Variants in TRAPPC9 observed in about 807,000 individuals in gnomAD.
The protein encoded by TRAPPC9 is trafficking protein particle complex subunit 9.
TRAPPC9 carries 83 observed loss-of-function variants against 124.0 expected under a neutral mutation model. That is an observed-to-expected ratio of 0.67 (90% CI 0.56 to 0.80). The LOEUF (loss-of-function observed/expected upper bound fraction) is 0.80, where lower values mean the gene tolerates loss of function less well. Among genes scored for constraint, TRAPPC9 ranks in the 30% least tolerant of loss-of-function variants. The probability of loss-of-function intolerance (pLI) is 0.00; values close to 1 mark genes in which losing one functional copy is unlikely to be tolerated. For synonymous variants in TRAPPC9, 638 were observed against 617.5 expected, an observed-to-expected ratio of 1.03 and a Z score of -0.49; for missense variants, 1,302 against 1,508.3, an observed-to-expected ratio of 0.86 and a Z score of 2.27.
intron 21 of TRAPPC9, among the ~76,000 whole-genome samples, chr8:139,772,740 T>C (rs1821063886): frequency 6.6e-6 from 1 of 152,220 alleles, no homozygotes; most frequent in Middle Eastern, 3.2e-3. Flanking sequence ...ATTCCCATGT[T>C]GAAGCCCTAA....
intron 15 of TRAPPC9, among the ~76,000 whole-genome samples, chr8:140,270,158 G>A (rs555536430): frequency 6.6e-6 from 1 of 152,024 alleles, no homozygotes; most frequent in African/African-American, 2.4e-5. Context: ...GACAGAAGCT[G>A]GACCTTGAGA....
At chr8:140,405,361 T>C (rs945303728) in intron 6 of TRAPPC9, 4 of 487,176 alleles carry the variant, frequency 8.2e-6, no homozygotes, top group Non-Finnish European at 1.4e-5. Context: ...AGAGCCTTTT[T>C]TCTCTCTTTT....
At chr8:140,242,265 G>T (rs976987914) in intron 16 of TRAPPC9, among the ~76,000 whole-genome samples, 1 of 152,060 alleles carries the variant, frequency 6.6e-6, no homozygotes, top group African/African-American at 2.4e-5. Flanking sequence ...GATTCAAGAG[G>T]GCCAGGCTAG....
At chr8:139,924,725 C>T (rs1024774934) in intron 19 of TRAPPC9, among the ~76,000 whole-genome samples, 20 of 152,250 alleles carry the variant, frequency 1.3e-4, no homozygotes, top group Non-Finnish European at 1.5e-5. Flanking sequence ...CACACTTTAA[C>T]CCATCATCAG....
At chr8:140,189,578 G>A (rs1435007853) in intron 17 of TRAPPC9, among the ~76,000 whole-genome samples, 1 of 152,140 alleles carries the variant, frequency 6.6e-6, no homozygotes, top group Non-Finnish European at 1.5e-5. Context: ...CTAAAGAGAT[G>A]CGTGGAGAAA....
chr8:139,820,167 A>T (rs886792511), intron 21 of TRAPPC9, among the ~76,000 whole-genome samples: 7 of 152,072 alleles, frequency 4.6e-5, no homozygotes, highest in Non-Finnish European at 1.0e-4. Context: ...AGAGAAAAAA[A>T]ATTATCTTAT....
intron 17 of TRAPPC9, among the ~76,000 whole-genome samples, chr8:140,179,038 C>T (rs1034510578): frequency 1.3e-5 from 2 of 152,080 alleles, no homozygotes; most frequent in Non-Finnish European, 2.9e-5. Flanking sequence ...TTATTGATCT[C>T]TTCAGAGAAC....
chr8:140,398,590 T>A (rs192489055), intron 6 of TRAPPC9, among the ~76,000 whole-genome samples: 1 of 152,142 alleles, frequency 6.6e-6, no homozygotes, highest in South Asian at 2.1e-4. Context: ...GCCCTGGAGA[T>A]TTGTGGAACT....
At chr8:140,072,979 G>A (rs1843280023) in intron 17 of TRAPPC9, among the ~76,000 whole-genome samples, 1 of 152,064 alleles carries the variant, frequency 6.6e-6, no homozygotes, top group Admixed American at 6.6e-5. Context: ...TTAGAATTAG[G>A]GAACCATAAA....
At chr8:140,262,519 C>CGGGGG (rs533460810) in intron 15 of TRAPPC9, 2 of 145,376 alleles carry the variant, frequency 1.4e-5, no homozygotes, top group African/African-American at 5.5e-5. Context: ...ATTGTGTATA[C>CGGGGG]GGTGGGGGGG....
chr8:140,302,633 A>G (rs1193094720), intron 10 of TRAPPC9: 5 of 152,244 alleles, frequency 3.3e-5, no homozygotes, highest in Admixed American at 3.3e-4. Flanking sequence ...CTGATCAGGA[A>G]AGCGACGCCA....
At chr8:139,948,114 G>A (rs1834383096) in intron 19 of TRAPPC9, among the ~76,000 whole-genome samples, 1 of 151,512 alleles carries the variant, frequency 6.6e-6, no homozygotes, top group African/African-American at 2.4e-5. Flanking sequence ...TTGCATCACA[G>A]GGTCCTTGAG....
At chr8:140,203,030 T>C (rs983259558) in intron 17 of TRAPPC9, among the ~76,000 whole-genome samples, 6 of 152,268 alleles carry the variant, frequency 3.9e-5, no homozygotes, top group African/African-American at 1.4e-4. Flanking sequence ...GAAAACAAAC[T>C]TAAAAGCAAA....
chr8:139,992,882 C>T (rs932075324), intron 18 of TRAPPC9, among the ~76,000 whole-genome samples: 2 of 151,856 alleles, frequency 1.3e-5, no homozygotes, highest in Non-Finnish European at 2.9e-5. Flanking sequence ...CCCTACCTCA[C>T]ATCATATATA....
chr8:140,144,657 T>C (rs1289335266), intron 17 of TRAPPC9, among the ~76,000 whole-genome samples: 3 of 152,048 alleles, frequency 2.0e-5, no homozygotes, highest in East Asian at 1.9e-4. Context: ...CCCAGCTAAC[T>C]TGTATTTTAA....
intron 21 of TRAPPC9, among the ~76,000 whole-genome samples, chr8:139,818,699 T>A (rs1192792051): frequency 1.3e-5 from 2 of 152,230 alleles, no homozygotes. Flanking sequence ...TGTAAATACT[T>A]CCTGCCTGGC....
Position 140,339,611 on chromosome 8 carries a change from G to A in TRAPPC9, c.1495+20439C>T, listed in dbSNP as rs192236474. 9.2e-5 allele frequency among the ~76,000 whole-genome samples: 14 copies of A among 152,258 alleles called. No individual in the cohort carries two copies. In the South Asian group the frequency reaches 1.0e-3, roughly 11 times the overall value. On this transcript the variant is annotated intron_variant, in intron 9 of 22. Transcript: ENST00000438773. ...TTTGTCCAAACAAACAAACGAGGCC[G>A]AACCCTGAGGAAGACCCATAGTCCT...
intron 21 of TRAPPC9, among the ~76,000 whole-genome samples, chr8:139,813,601 C>T (rs907146284): frequency 5.9e-5 from 9 of 152,264 alleles, no homozygotes; most frequent in African/African-American, 2.2e-4. Context: ...AGGCAAACAG[C>T]TCACCATGAG....
chr8:139,857,734 G>C (rs970788786), intron 21 of TRAPPC9, among the ~76,000 whole-genome samples: 1 of 152,236 alleles, frequency 6.6e-6, no homozygotes, highest in African/African-American at 2.4e-5. Context: ...CAGGAAGCAC[G>C]AGGCTGGGTG....
Sources: gnomAD v4.1 joint callset for allele counts (sites outside exome capture counted in the v4.1 genomes callset) on GRCh38, gnomAD v4.1.1 for gene constraint, MANE v1.5 for transcripts, NCBI Gene and HGNC (gene_info 2026-07-23, HGNC 2026-07-21) for gene names.